CALN1: variants seen among roughly 807,000 people sequenced by gnomAD.
The protein encoded by CALN1 is calneuron 1.
A neutral mutation model predicts 30.6 loss-of-function variants in CALN1; 17 were observed. That is an observed-to-expected ratio of 0.56 (90% CI 0.38 to 0.83). The LOEUF is 0.83. Among genes scored for constraint, CALN1 ranks in the 40% least tolerant of loss-of-function variants. The pLI is 0.00. For missense variants in CALN1, 291 were observed against 354.9 expected, an observed-to-expected ratio of 0.82 and a Z score of 1.45; for synonymous variants, 156 against 131.4, an observed-to-expected ratio of 1.19 and a Z score of -1.28.
chr7:72,057,566 G>C (rs57543921), intron 4 of CALN1, among the ~76,000 whole-genome samples: 1 of 151,812 alleles, frequency 6.6e-6, no homozygotes, highest in African/African-American at 2.4e-5. Context: ...CCATCGCCCA[G>C]AAGTAACATA....
rs375399775 is a variant in CALN1 at position 72,208,753 on chromosome 7, T to C, written c.244+69933A>G. Among the ~76,000 whole-genome samples, 94 of 152,268 alleles carry C rather than the reference T, an allele frequency of 6.2e-4. 4 individuals carry two copies. In the South Asian group the frequency reaches 0.019, roughly 30 times the overall value. On this transcript the variant is annotated intron_variant, in intron 3 of 6. Transcript: ENST00000395275. ...GCTCGATACACAGGAATGTCACAAA[T>C]GTAATGTTGAGCTAAGAGGCCAGAC...
At chr7:71,901,100 AC>A (rs1396867888) in intron 5 of CALN1, among the ~76,000 whole-genome samples, 1 of 152,124 alleles carries the variant, frequency 6.6e-6, no homozygotes, top group Non-Finnish European at 1.5e-5. Flanking sequence ...CTTACTTTGG[AC>A]TTGCTCTCAA....
chr7:72,205,196 T>A (rs1054715997), intron 3 of CALN1, among the ~76,000 whole-genome samples: 14 of 151,970 alleles, frequency 9.2e-5, no homozygotes, highest in African/African-American at 3.1e-4. Context: ...TGTTTTTATT[T>A]TTGCTTTTCT....
chr7:72,209,656 G>GA (rs924088086), intron 3 of CALN1, among the ~76,000 whole-genome samples: 1 of 151,794 alleles, frequency 6.6e-6, no homozygotes, highest in Non-Finnish European at 1.5e-5. Context: ...CATCACCTCA[G>GA]AAAAAAAGAA....
At chr7:72,064,993 G>A (rs562085102) in intron 4 of CALN1, among the ~76,000 whole-genome samples, 84 of 151,212 alleles carry the variant, frequency 5.6e-4, no homozygotes, top group Non-Finnish European at 1.0e-3. Flanking sequence ...ACAGACATCA[G>A]GCTATTTGTA....
At chr7:72,370,000 A>G (rs1804128864) in intron 2 of CALN1, among the ~76,000 whole-genome samples, 1 of 152,062 alleles carries the variant, frequency 6.6e-6, no homozygotes, top group African/African-American at 2.4e-5. Context: ...TGTAATGTAC[A>G]TCATACAAAA....
intron 4 of CALN1, among the ~76,000 whole-genome samples, chr7:72,088,715 A>AAG (rs1554436617): frequency 2.0e-5 from 3 of 150,662 alleles, no homozygotes; most frequent in African/African-American, 7.4e-5. Context: ...AAAAAAAAAA[A>AAG]AAAGAAAGAA....
chr7:72,129,992 G>A (rs111281385), intron 3 of CALN1, among the ~76,000 whole-genome samples: 6 of 152,192 alleles, frequency 3.9e-5, no homozygotes, highest in African/African-American at 1.2e-4. Context: ...CCTCCCTCAG[G>A]GGTGAGTGAG....
chr7:72,251,936 A>G (rs1229584199), intron 3 of CALN1, among the ~76,000 whole-genome samples: 1 of 152,180 alleles, frequency 6.6e-6, no homozygotes, highest in African/African-American at 2.4e-5. Context: ...AGGAAGTTTA[A>G]TTTTAAAAAT....
chr7:72,068,548 C>T (rs569580350), intron 4 of CALN1, among the ~76,000 whole-genome samples: 8 of 152,238 alleles, frequency 5.3e-5, no homozygotes, highest in Non-Finnish European at 1.0e-4. Context: ...AGTGCAGTGG[C>T]GAGATCTCAG....
chr7:72,291,416 G>A (rs1182507800), intron 2 of CALN1, among the ~76,000 whole-genome samples: 1 of 152,152 alleles, frequency 6.6e-6, no homozygotes, highest in Admixed American at 6.5e-5. Context: ...TTTCCCACTG[G>A]AGTTCCAAGT....
At chr7:72,210,155 C>G (rs557673400) in intron 3 of CALN1, among the ~76,000 whole-genome samples, 1 of 152,172 alleles carries the variant, frequency 6.6e-6, no homozygotes, top group African/African-American at 2.4e-5. Context: ...CCGTCTCCCC[C>G]TTCCAGCCAT....
At chr7:72,284,105 A>G (rs746159501) in intron 2 of CALN1, among the ~76,000 whole-genome samples, 4 of 152,180 alleles carry the variant, frequency 2.6e-5, no homozygotes, top group African/African-American at 4.8e-5. Context: ...AGTCTGGGCA[A>G]CATGGTGAGA....
chr7:72,170,684 G>A (rs1452757497), intron 3 of CALN1, among the ~76,000 whole-genome samples: 3 of 152,190 alleles, frequency 2.0e-5, no homozygotes, highest in Non-Finnish European at 4.4e-5. Context: ...ATCTGTCATT[G>A]TCATGTCTTT....
intron 2 of CALN1, among the ~76,000 whole-genome samples, chr7:72,306,888 C>A (rs1799693161): frequency 1.3e-5 from 2 of 152,134 alleles, no homozygotes; most frequent in Admixed American, 6.6e-5. Flanking sequence ...CAGAATAAAT[C>A]TTTTCAGGTA....
At chr7:72,404,801 G>A (rs934249337) in intron 1 of CALN1, among the ~76,000 whole-genome samples, 1 of 152,324 alleles carries the variant, frequency 6.6e-6, no homozygotes, top group Non-Finnish European at 1.5e-5. Flanking sequence ...AGCTGTATGT[G>A]GATGGTGGAC....
intron 5 of CALN1, among the ~76,000 whole-genome samples, chr7:71,960,128 A>T (rs977063998): frequency 2.9e-5 from 4 of 138,632 alleles, no homozygotes; most frequent in African/African-American, 5.5e-5. Context: ...GAGAGACTCC[A>T]TCTCAAAAAT....
chr7:72,176,757 T>C (rs1416314062), intron 3 of CALN1, among the ~76,000 whole-genome samples: 1 of 152,132 alleles, frequency 6.6e-6, no homozygotes. Flanking sequence ...CAAAGTTCAA[T>C]AGAGTCTCCC....
intron 3 of CALN1, among the ~76,000 whole-genome samples, chr7:72,183,182 G>C (rs1442692112): frequency 6.6e-6 from 1 of 152,096 alleles, no homozygotes. Flanking sequence ...TCATGCCTCA[G>C]TCTCCCAAGT....
Sources: gnomAD v4.1 joint callset for allele counts (sites outside exome capture counted in the v4.1 genomes callset) on GRCh38, gnomAD v4.1.1 for gene constraint, MANE v1.5 for transcripts, NCBI Gene and HGNC (gene_info 2026-07-23, HGNC 2026-07-21) for gene names.